The following HS3ST1 variants were observed in gnomAD, a reference collection of about 807,000 sequenced individuals.
HS3ST1 encodes heparan sulfate glucosamine 3-O-sulfotransferase 1.
HS3ST1 carries 8 observed loss-of-function variants against 20.7 expected under a neutral mutation model. The ratio of observed to expected loss-of-function variants is 0.39; its 90% CI spans 0.23 to 0.70. The LOEUF (loss-of-function observed/expected upper bound fraction) is 0.70. Among genes scored for constraint, HS3ST1 ranks in the 30% least tolerant of loss-of-function variants. The pLI, the probability that HS3ST1 is intolerant of heterozygous loss-of-function variation, is 0.46. For missense variants in HS3ST1, 436 were observed against 423.4 expected, an observed-to-expected ratio of 1.03 and a Z score of -0.26; for synonymous variants, 205 against 190.4, an observed-to-expected ratio of 1.08 and a Z score of -0.63.
chr4:11,399,052 G>A lies in HS3ST1; in HGVS notation c.*30C>T. 1 of 1,571,918 alleles carries A rather than the reference G, an allele frequency of 6.4e-7. No homozygotes were observed. Among genetic ancestry groups the A allele is most frequent in the Non-Finnish European group, 8.7e-7 (1 of 1,153,350 alleles). On this transcript the variant is annotated 3_prime_UTR_variant, in exon 2 of 2. Coordinates refer to ENST00000002596, the MANE Select transcript of HS3ST1 (RefSeq NM_005114.4). This position sits in a 1 kb window ranked among gnomAD's most constrained non-coding sequence, Gnocchi z 5.1. ...CAGATGTACACCAGAACTTACAGTAGGAAAGTTTCTGAGCTTAGCTTATTG... is the reference window on the plus strand; with the variant it reads ...CAGATGTACACCAGAACTTACAGTAAGAAAGTTTCTGAGCTTAGCTTATTG...
At chr4:11,430,298 T>TAA (rs5856100), upstream of HS3ST1, among the ~76,000 whole-genome samples, 26 of 151,206 alleles carry the variant, frequency 1.7e-4, no homozygotes, top group African/African-American at 3.2e-4. Context: ...TATTTTAGGT[T>TAA]AAAAAAAAAT....
intron 1 of HS3ST1, among the ~76,000 whole-genome samples, chr4:11,427,250 T>C (rs1472944809): frequency 1.3e-5 from 2 of 152,216 alleles, no homozygotes; most frequent in South Asian, 2.1e-4. Flanking sequence ...GCCTCAGCAG[T>C]GTCCAAGCAC....
intron 1 of HS3ST1, among the ~76,000 whole-genome samples, chr4:11,413,523 A>G (rs1465563037): frequency 6.6e-6 from 1 of 152,152 alleles, no homozygotes; most frequent in East Asian, 1.9e-4. Flanking sequence ...AGGGTTTGAG[A>G]GTATCCACAA....
Position 11,397,649 on chromosome 4 carries a change from G to A in HS3ST1, c.*1433C>T, listed in dbSNP as rs1718177627. The A allele has an allele frequency of 6.6e-6, 1 of 151,982 alleles. No homozygotes were observed. The allele number at this position is 151,982 out of a possible 1,614,324, so 9.4% of individuals were successfully genotyped here. ...TTGGGCAAGTTTCTCATGTTCTCTG[G>A]GCCTAATTCCTCCTCTTTGAAATTT... On this transcript the variant is annotated 3_prime_UTR_variant, in exon 2 of 2. Coordinates refer to ENST00000002596, the MANE Select transcript of HS3ST1 (RefSeq NM_005114.4).
chr4:11,399,285 T>C lies in HS3ST1; in HGVS notation c.721A>G (p.Ile241Val). Residue 241 changes from isoleucine (I) to valine (V), a missense_variant, in exon 2 of 2, where the codon ATC becomes GTC. Physicochemically the swap from Ile to Val is conservative, Grantham distance 29 (BLOSUM62 3). Coordinates refer to ENST00000002596, the MANE Select transcript of HS3ST1 (RefSeq NM_005114.4). The surrounding 1 kb of genome is among the most constrained non-coding windows in gnomAD (Gnocchi z 5.1). The stretch of plus-strand genomic sequence containing the variant: ...TTAAAGTAGAAGTTCGAAGCATTGA[T>C]CTGCGGCGACAGCTTTAGGAACCTC... ...VERFLKLSPQ[I>V]NASNFYFNKT... 1 of 1,614,178 alleles carries C rather than the reference T, an allele frequency of 6.2e-7. No homozygotes were observed. Among genetic ancestry groups the C allele is most frequent in the Non-Finnish European group, 8.5e-7 (1 of 1,180,034 alleles).
intron 1 of HS3ST1, chr4:11,428,416 A>T (rs956233273): frequency 1.3e-5 from 2 of 152,364 alleles, no homozygotes; most frequent in African/African-American, 4.8e-5. Flanking sequence ...CAGGGGGGGA[A>T]AACATCCAAC....
chr4:11,412,071 G>A (rs1019710701), intron 1 of HS3ST1, among the ~76,000 whole-genome samples: 6 of 152,182 alleles, frequency 3.9e-5, no homozygotes, highest in Admixed American at 6.5e-5. Flanking sequence ...TTTTGTAACC[G>A]TCAGACTTCC....
intron 1 of HS3ST1, among the ~76,000 whole-genome samples, chr4:11,407,508 A>T (rs1328491140): frequency 6.6e-6 from 1 of 152,182 alleles, no homozygotes; most frequent in African/African-American, 2.4e-5. Context: ...TGGGATAAGG[A>T]TTCCCATCTT....
chr4:11,399,917 A>T lies in HS3ST1; in HGVS notation c.89T>A (p.Leu30His), dbSNP rs766169530. 1.2e-6 allele frequency: 2 copies of T among 1,603,724 alleles called. No homozygotes were observed. Among genetic ancestry groups the T allele is most frequent in the African/African-American group, 2.7e-5 (2 of 74,782 alleles). ...SRPAELGQQE[L>H]LRKAGTLQDD... is the part of the protein sequence containing the mutation. ...CTGGAGGGTCCCCGCTTTCCGCAGA[A>T]GCTCCTGCTGGCCTAGCTCGGCGGG... Residue 30 changes from leucine (L) to histidine (H), a missense_variant, in exon 2 of 2, where the codon CTT (leucine) becomes CAT (histidine). Transcript: ENST00000002596. The surrounding 1 kb of genome is among the most constrained non-coding windows in gnomAD (Gnocchi z 5.1).
upstream of HS3ST1, among the ~76,000 whole-genome samples, chr4:11,433,710 G>A (rs979696920): frequency 6.6e-6 from 1 of 152,166 alleles, no homozygotes; most frequent in African/African-American, 2.4e-5. Flanking sequence ...AGGCCTATCA[G>A]TTCAGTTGAA....
chr4:11,415,506 G>T (rs192356233), intron 1 of HS3ST1, among the ~76,000 whole-genome samples: 55 of 152,314 alleles, frequency 3.6e-4, no homozygotes, highest in Middle Eastern at 3.4e-3. Context: ...AAAAGTGAAA[G>T]AAAAATATTA....
intron 1 of HS3ST1, among the ~76,000 whole-genome samples, chr4:11,402,021 G>A (rs966255877): frequency 2.6e-5 from 4 of 152,242 alleles, no homozygotes; most frequent in African/African-American, 9.6e-5. Flanking sequence ...CTTGGGGACT[G>A]AGGGATTTAC....
Position 11,393,538 on chromosome 4 carries a change from G to A in HS3ST1, c.*5544C>T, listed in dbSNP as rs1718060737. ...ATGGTCTAGAAGCAAAGTCTGAGGG[G>A]GGATTCCTGTTTTCTTGGGAAACAC... On this transcript the variant is annotated 3_prime_UTR_variant, in exon 2 of 2. Transcript: ENST00000002596. 6.6e-6 allele frequency: 1 copy of A among 152,176 alleles called. No homozygotes were observed. Among genetic ancestry groups the A allele is most frequent in the Non-Finnish European group, 1.5e-5 (1 of 68,016 alleles). 9.4% of individuals were successfully genotyped at this position (152,176 alleles called of 1,614,324 possible).
Position 11,399,105 on chromosome 4 carries a change from C to A in HS3ST1, c.901G>T (p.Gly301Cys). The change falls in exon 2 of 2, where the codon GGC (glycine) becomes TGC (cysteine). Residue 301 changes from glycine to cysteine, a missense_variant. Gly to Cys is a radical substitution (Grantham distance 159). Coordinates refer to ENST00000002596, the MANE Select transcript of HS3ST1 (RefSeq NM_005114.4). This position sits in a 1 kb window ranked among gnomAD's most constrained non-coding sequence, Gnocchi z 5.1. ...EPNKKFFELV[G>C]RTFDWH ...AATCAGTGCCAGTCAAATGTTCTGC[C>A]AACAAGCTCGAAGAACTTCTTATTT... 2 of 1,612,754 alleles carry A rather than the reference C, an allele frequency of 1.2e-6. No homozygotes were observed. Among genetic ancestry groups the A allele is most frequent in the South Asian group, 2.2e-5 (2 of 91,024 alleles).
intron 1 of HS3ST1, among the ~76,000 whole-genome samples, chr4:11,424,756 C>G (rs1454012610): frequency 6.6e-6 from 1 of 151,886 alleles, no homozygotes; most frequent in Non-Finnish European, 1.5e-5. Context: ...TCCCTGTGCC[C>G]TTTAGCTAGT....
chr4:11,417,295 G>A (rs1487852651), intron 1 of HS3ST1, among the ~76,000 whole-genome samples: 1 of 152,174 alleles, frequency 6.6e-6, no homozygotes, highest in Non-Finnish European at 1.5e-5. Flanking sequence ...AGGGCGTTAT[G>A]TTCCATGGTT....
intron 1 of HS3ST1, among the ~76,000 whole-genome samples, chr4:11,421,199 C>A (rs537852967): frequency 6.6e-6 from 1 of 152,096 alleles, no homozygotes; most frequent in Non-Finnish European, 1.5e-5. Context: ...GGAAAAAAAC[C>A]GAGGCCCAGA....
chr4:11,411,315 G>A (rs1012989033), intron 1 of HS3ST1, among the ~76,000 whole-genome samples: 1 of 152,092 alleles, frequency 6.6e-6, no homozygotes, highest in African/African-American at 2.4e-5. Context: ...TCATATGATA[G>A]CACTAAATAA....
intron 1 of HS3ST1, among the ~76,000 whole-genome samples, chr4:11,427,971 G>A (rs1719104184): frequency 6.6e-6 from 1 of 152,216 alleles, no homozygotes. Context: ...CTTCCTGGGA[G>A]CTGGGGTCTA....
Sources: gnomAD v4.1 joint callset for allele counts (sites outside exome capture counted in the v4.1 genomes callset) on GRCh38, gnomAD v4.1.1 for gene constraint, Gnocchi (gnomAD v3.1) non-coding constraint, MANE v1.5 for transcripts, NCBI Gene and HGNC (gene_info 2026-07-23, HGNC 2026-07-21) for gene names.